The following ARHGEF38 variants were observed in gnomAD, a reference collection of about 807,000 sequenced individuals.
ARHGEF38 encodes the protein Rho guanine nucleotide exchange factor 38.
In ARHGEF38, 79 loss-of-function variants were observed where a neutral mutation model predicts 79.9. That is an observed-to-expected ratio of 0.99 (90% CI 0.82 to 1.19). The LOEUF (loss-of-function observed/expected upper bound fraction) is 1.19. Ranked by LOEUF, ARHGEF38 falls within the 50% of genes most tolerant of loss-of-function variation. The pLI, the probability that ARHGEF38 is intolerant of heterozygous loss-of-function variation, is 0.00. For missense variants in ARHGEF38, 962 were observed against 907.2 expected (o/e 1.06, Z -0.78); for synonymous variants, 366 against 328.3 (o/e 1.11, Z -1.24).
chr4:105,591,446 G>A (rs1727331275), intron 2 of ARHGEF38, among the ~76,000 whole-genome samples: 1 of 152,078 alleles, frequency 6.6e-6, no homozygotes, highest in Non-Finnish European at 1.5e-5. Flanking sequence ...AGCCAGGGTG[G>A]TCTCCATCTC....
chr4:105,675,827 G>A (rs1418921527), intron 13 of ARHGEF38, among the ~76,000 whole-genome samples: 1 of 152,134 alleles, frequency 6.6e-6, no homozygotes, highest in East Asian at 1.9e-4. Context: ...ATGGTGGAAG[G>A]GGTGAAGAGT....
At chr4:105,568,968 C>A (rs757399238) in intron 1 of ARHGEF38, among the ~76,000 whole-genome samples, 1 of 152,168 alleles carries the variant, frequency 6.6e-6, no homozygotes, top group African/African-American at 2.4e-5. Flanking sequence ...TACAACTATT[C>A]TTTACTAAGA....
intron 1 of ARHGEF38, among the ~76,000 whole-genome samples, chr4:105,566,933 A>T (rs1045494294): frequency 6.6e-6 from 1 of 152,028 alleles, no homozygotes; most frequent in East Asian, 1.9e-4. Flanking sequence ...TTGTATTTTT[A>T]GTAGAGACAA....
chr4:105,601,285 T>C (rs1279147038), intron 2 of ARHGEF38, among the ~76,000 whole-genome samples: 1 of 152,188 alleles, frequency 6.6e-6, no homozygotes, highest in African/African-American at 2.4e-5. Flanking sequence ...TTCTTTGCCT[T>C]GAATGCTCTT....
chr4:105,596,329 A>C (rs910179112), intron 2 of ARHGEF38, among the ~76,000 whole-genome samples: 2 of 152,026 alleles, frequency 1.3e-5, no homozygotes, highest in Non-Finnish European at 2.9e-5. Flanking sequence ...GAGGGAAGGC[A>C]CTCCAGGGCT....
At chr4:105,574,827 A>G (rs1255569635) in intron 1 of ARHGEF38, among the ~76,000 whole-genome samples, 1 of 152,138 alleles carries the variant, frequency 6.6e-6, no homozygotes, top group Non-Finnish European at 1.5e-5. Context: ...TATCACCTGA[A>G]TAACGTATGT....
chr4:105,636,677 G>A (rs1407057283), intron 5 of ARHGEF38, among the ~76,000 whole-genome samples: 1 of 151,880 alleles, frequency 6.6e-6, no homozygotes, highest in Non-Finnish European at 1.5e-5. Flanking sequence ...AAAGTCTTTG[G>A]GAACTGCTCA....
chr4:105,577,720 A>G (rs1560696731), intron 1 of ARHGEF38, among the ~76,000 whole-genome samples: 1 of 152,062 alleles, frequency 6.6e-6, no homozygotes, highest in Non-Finnish European at 1.5e-5. Context: ...GTGCCTAGAA[A>G]TGTTCACAGT....
chr4:105,639,293 G>A (rs916970391), intron 5 of ARHGEF38, among the ~76,000 whole-genome samples: 5 of 151,964 alleles, frequency 3.3e-5, no homozygotes, highest in Admixed American at 1.3e-4. Flanking sequence ...TTTGTCTTAT[G>A]TATTATATAT....
chr4:105,661,135 C>A (rs926522303), intron 10 of ARHGEF38, among the ~76,000 whole-genome samples: 6 of 152,212 alleles, frequency 3.9e-5, no homozygotes, highest in Non-Finnish European at 8.8e-5. Flanking sequence ...TTCAGGGTTT[C>A]TTCATGCCTA....
At chr4:105,587,162 G>A (rs1028409476) in intron 1 of ARHGEF38, among the ~76,000 whole-genome samples, 4 of 152,114 alleles carry the variant, frequency 2.6e-5, no homozygotes, top group African/African-American at 9.7e-5. Flanking sequence ...TTACAAATTA[G>A]GCTGGTGCAG....
At chr4:105,570,131 T>C (rs1056626862) in intron 1 of ARHGEF38, 6 of 152,250 alleles carry the variant, frequency 3.9e-5, no homozygotes, top group Non-Finnish European at 8.8e-5. Flanking sequence ...TATGAATCAC[T>C]GAATATATTT....
rs147591441 is a variant in ARHGEF38 at position 105,642,116 on chromosome 4, T to C, written c.675-3072T>C. On this transcript the variant is annotated intron_variant, in intron 5 of 13. Coordinates refer to ENST00000420470, the MANE Select transcript of ARHGEF38 (RefSeq NM_001242729.2). Reference sequence around the variant, plus strand: ...ACACATAGGACTCATCTGCCTCGCATGGTTACCAGAACTGAATCTTACTGT... The same window carrying C: ...ACACATAGGACTCATCTGCCTCGCACGGTTACCAGAACTGAATCTTACTGT... 4.4e-3 allele frequency among the ~76,000 whole-genome samples: 663 copies of C among 152,274 alleles called. 8 individuals are homozygous for C. Among genetic ancestry groups the C allele is most frequent in the African/African-American group, 0.015 (622 of 41,562 alleles).
At chr4:105,671,087 T>A (rs1287550832) in intron 13 of ARHGEF38, among the ~76,000 whole-genome samples, 2 of 152,224 alleles carry the variant, frequency 1.3e-5, no homozygotes, top group East Asian at 3.8e-4. Flanking sequence ...AAAAAATATA[T>A]TAATGGCATA....
intron 4 of ARHGEF38, among the ~76,000 whole-genome samples, chr4:105,633,943 A>G (rs1477946416): frequency 6.6e-6 from 1 of 152,190 alleles, no homozygotes; most frequent in African/African-American, 2.4e-5. Context: ...AAAAGACCCA[A>G]GTTTCTAACT....
chr4:105,613,573 G>GCC (rs1414914082), intron 3 of ARHGEF38, 66 bp downstream of exon 3: 1 of 1,575,044 alleles, frequency 6.3e-7, no homozygotes, highest in Non-Finnish European at 8.7e-7. Context: ...ACCTCCCTTT[G>GCC]CTTTGGTTTT....
intron 13 of ARHGEF38, among the ~76,000 whole-genome samples, chr4:105,677,176 G>C (rs534379264): frequency 1.3e-5 from 2 of 152,184 alleles, no homozygotes; most frequent in African/African-American, 4.8e-5. Flanking sequence ...CGTTGGTCAT[G>C]CTGGTCTTGT....
At chr4:105,586,029 C>T (rs914276335) in intron 1 of ARHGEF38, among the ~76,000 whole-genome samples, 1 of 152,058 alleles carries the variant, frequency 6.6e-6, no homozygotes, top group Non-Finnish European at 1.5e-5. Flanking sequence ...CTGCGCCAGG[C>T]CCCCTCGGTT....
chr4:105,663,191 G>C (rs1308866988), intron 10 of ARHGEF38, among the ~76,000 whole-genome samples: 1 of 152,070 alleles, frequency 6.6e-6, no homozygotes, highest in African/African-American at 2.4e-5. Context: ...GAGAACACTA[G>C]AGTACCTTGT....
Sources: gnomAD v4.1 joint callset for allele counts (sites outside exome capture counted in the v4.1 genomes callset) on GRCh38, gnomAD v4.1.1 for gene constraint, MANE v1.5 for transcripts, NCBI Gene and HGNC (gene_info 2026-07-23, HGNC 2026-07-21) for gene names.